The following COL28A1 variants were observed in gnomAD, a reference collection of about 807,000 sequenced individuals.
The protein encoded by COL28A1 is collagen type XXVIII alpha 1 chain, also known as collagen alpha-1(XXVIII) chain.
COL28A1 carries 161 observed loss-of-function variants against 150.2 expected under a neutral mutation model. The ratio of observed to expected loss-of-function variants is 1.07; its 90% CI spans 0.94 to 1.22. The LOEUF (loss-of-function observed/expected upper bound fraction) is 1.22, where lower values mean the gene tolerates loss of function less well. Ranked by LOEUF, COL28A1 falls within the 50% of genes most tolerant of loss-of-function variation. The probability of loss-of-function intolerance (pLI) is 0.00; values close to 1 mark genes in which losing one functional copy is unlikely to be tolerated. For synonymous variants in COL28A1, 552 were observed against 469.7 expected (o/e 1.18, Z -2.26); for missense variants, 1,617 against 1,388.3 (o/e 1.16, Z -2.62).
intron 33 of COL28A1, among the ~76,000 whole-genome samples, chr7:7,366,450 G>C (rs1014419): frequency 0.89 from 135,666 of 152,204 alleles, 60,600 homozygotes; most frequent in East Asian, 1. Context: ...GATCAGTTAG[G>C]AATATGTTTA....
chr7:7,479,090 C>T (rs149164520), intron 13 of COL28A1, among the ~76,000 whole-genome samples: 32 of 152,352 alleles, frequency 2.1e-4, no homozygotes, highest in African/African-American at 7.7e-4. Flanking sequence ...GCTGCCAGCA[C>T]GCTGTCACCT....
At chr7:7,512,323 T>C (rs1781189586) in intron 8 of COL28A1, among the ~76,000 whole-genome samples, 1 of 152,194 alleles carries the variant, frequency 6.6e-6, no homozygotes, top group African/African-American at 2.4e-5. Context: ...AACAATGTCT[T>C]GTATTGAAAA....
chr7:7,340,390 C>T, the COL28A1 span, among the ~76,000 whole-genome samples: 2 of 152,076 alleles, frequency 1.3e-5, no homozygotes, highest in Non-Finnish European at 2.9e-5. Context: ...GTGCTCTCAT[C>T]TGAATGAAAT....
intron 3 of COL28A1, 77 bp from the exon 4 acceptor site, chr7:7,524,326 C>G: frequency 1.2e-6 from 1 of 853,514 alleles, no homozygotes; most frequent in Non-Finnish European, 2.0e-6. Context: ...ATAACTATTC[C>G]CTATGGGATA....
chr7:7,479,796 T>C (rs1024750787), intron 13 of COL28A1, among the ~76,000 whole-genome samples: 3 of 152,192 alleles, frequency 2.0e-5, no homozygotes, highest in Non-Finnish European at 4.4e-5. Flanking sequence ...GCAGAAAATG[T>C]ACTAATGGAA....
At chr7:7,538,958 T>A (rs1195279317), upstream of COL28A1, among the ~76,000 whole-genome samples, 1 of 151,494 alleles carries the variant, frequency 6.6e-6, no homozygotes, top group Non-Finnish European at 1.5e-5. Context: ...TTCTTTCTTT[T>A]TTTCTTTTTC....
intron 27 of COL28A1, among the ~76,000 whole-genome samples, chr7:7,388,426 T>A (rs1417698882): frequency 1.3e-5 from 2 of 152,196 alleles, no homozygotes; most frequent in African/African-American, 2.4e-5. Flanking sequence ...GGCATTTGGG[T>A]TGGTTCCATG....
intron 25 of COL28A1, chr7:7,431,666 G>T (rs1317636908): frequency 2.1e-6 from 1 of 470,328 alleles, no homozygotes; most frequent in Admixed American, 2.3e-5. Context: ...AAGCCACCAG[G>T]GTGTTTCTAG....
intron 18 of COL28A1, among the ~76,000 whole-genome samples, chr7:7,450,270 T>C (rs1197560578): frequency 1.3e-5 from 2 of 152,172 alleles, no homozygotes; most frequent in African/African-American, 4.8e-5. Context: ...ATAAATTCCA[T>C]GTGGGTTAAA....
chr7:7,367,770 G>T (rs748030749), intron 33 of COL28A1, among the ~76,000 whole-genome samples: 2 of 149,506 alleles, frequency 1.3e-5, no homozygotes, highest in Non-Finnish European at 3.0e-5. Context: ...TGTCCCTCAG[G>T]CACCTCCACT....
At chr7:7,527,009 C>CT in intron 3 of COL28A1, among the ~76,000 whole-genome samples, 1 of 152,164 alleles carries the variant, frequency 6.6e-6, no homozygotes, top group East Asian at 1.9e-4. Context: ...TAATTTTATA[C>CT]TTTTTTCAGT....
intron 8 of COL28A1, 60 bp downstream of exon 8, chr7:7,515,754 C>G: frequency 2.4e-6 from 2 of 825,268 alleles, no homozygotes; most frequent in Non-Finnish European, 4.3e-6. Flanking sequence ...CCTAAGTACA[C>G]TTATGTTTCT....
chr7:7,443,676 G>A (rs1785994749), intron 19 of COL28A1, 23 bp from the exon 20 acceptor site: 1 of 1,613,614 alleles, frequency 6.2e-7, no homozygotes, highest in Non-Finnish European at 8.5e-7. Context: ...ACACTGATGT[G>A]TTAGCTGACC....
intron 25 of COL28A1, among the ~76,000 whole-genome samples, chr7:7,421,597 A>G (rs1275412563): frequency 6.6e-6 from 1 of 152,174 alleles, no homozygotes; most frequent in Admixed American, 6.5e-5. Context: ...CCAACACTGC[A>G]AAAACCATAA....
chr7:7,368,848 C>T (rs1443874374), intron 33 of COL28A1, among the ~76,000 whole-genome samples: 1 of 152,192 alleles, frequency 6.6e-6, no homozygotes, highest in African/African-American at 2.4e-5. Flanking sequence ...AAGACACTTT[C>T]CCATTACTCT....
At chr7:7,348,772 A>G in the COL28A1 span, among the ~76,000 whole-genome samples, 1 of 151,980 alleles carries the variant, frequency 6.6e-6, no homozygotes, top group Admixed American at 6.6e-5. Context: ...GTACTGCTTT[A>G]GCAGTATCCC....
intron 14 of COL28A1, 43 bp downstream of exon 14, chr7:7,477,069 T>C (rs776831503): frequency 9.1e-6 from 8 of 878,328 alleles, no homozygotes; most frequent in East Asian, 7.2e-5. Flanking sequence ...TTCACGAGCA[T>C]GTAAGACAAA....
At chr7:7,529,482 G>A (rs1184718646) in intron 3 of COL28A1, among the ~76,000 whole-genome samples, 1 of 152,098 alleles carries the variant, frequency 6.6e-6, no homozygotes, top group African/African-American at 2.4e-5. Flanking sequence ...TGAAATCACA[G>A]ATGCTAAACA....
intron 16 of COL28A1, 79 bp from the exon 17 acceptor site, chr7:7,453,587 A>AC: frequency 5.2e-6 from 4 of 765,548 alleles, no homozygotes; most frequent in Non-Finnish European, 8.9e-6. Flanking sequence ...TTTAGTTCAT[A>AC]CCCCATAATA....
Sources: allele counts gnomAD v4.1 joint callset (sites outside exome capture counted in the v4.1 genomes callset), GRCh38; gene constraint gnomAD v4.1.1; transcripts MANE v1.5; gene names NCBI Gene and HGNC (gene_info 2026-07-23, HGNC 2026-07-21).